The following GNPTAB variants were observed in gnomAD, a reference collection of about 807,000 sequenced individuals.
The protein encoded by GNPTAB is N-acetylglucosamine-1-phosphotransferase subunits alpha/beta.
A neutral mutation model predicts 136.6 loss-of-function variants in GNPTAB; 92 were observed. The observed-to-expected ratio is 0.67, with a 90% CI of 0.57 to 0.80. The LOEUF (loss-of-function observed/expected upper bound fraction) is 0.80. Ranked by LOEUF, GNPTAB falls within the 30% of genes least tolerant of loss-of-function variation. The pLI is 0.00. For synonymous variants in GNPTAB, 512 were observed against 535.1 expected (o/e 0.96, Z 0.60); for missense variants, 1,343 against 1,501.8 (o/e 0.89, Z 1.75).
chr12:101,748,163 C>A (rs1052009957), intron 20 of GNPTAB, among the ~76,000 whole-genome samples: 1 of 152,222 alleles, frequency 6.6e-6, no homozygotes, highest in Non-Finnish European at 1.5e-5. Context: ...GATGTACAAT[C>A]CCTGGAAAGC....
intron 5 of GNPTAB, among the ~76,000 whole-genome samples, chr12:101,783,835 C>T (rs1393312645): frequency 6.6e-6 from 1 of 151,998 alleles, no homozygotes; most frequent in African/African-American, 2.4e-5. Context: ...CCATCTCAGC[C>T]TCCCAAGTAG....
Position 101,753,622 on chromosome 12 carries a change from T to C in GNPTAB, c.3435-83A>G, listed in dbSNP as rs958703893. On this transcript the variant is annotated intron_variant, in intron 18 of 20. Transcript: ENST00000299314. ...AACAAGGATGTGGATTCCAAATATA[T>C]TTTAAATGGACTTATGTCCCAAGTT... 3 of 1,108,582 alleles carry C rather than the reference T, an allele frequency of 2.7e-6. No individual in the cohort carries two copies. In the African/African-American group the frequency reaches 4.6e-5, roughly 17 times the overall value. The allele number at this position is 1,108,582 out of a possible 1,614,324, so 68.7% of individuals were successfully genotyped here.
chr12:101,770,352 C>T lies in GNPTAB; in HGVS notation c.1113+54G>A, dbSNP rs77511527. ...AAATTATGGAAATCCCTGTACCACACTAAAAGAGCAGAATTAGAAATCACA... is the reference window on the plus strand; with the variant it reads ...AAATTATGGAAATCCCTGTACCACATTAAAAGAGCAGAATTAGAAATCACA... On this transcript the variant is annotated intron_variant, in intron 9 of 20. Transcript: ENST00000299314. 2,338 of 1,445,468 alleles carry T rather than the reference C, an allele frequency of 1.6e-3. 39 individuals are homozygous for T. The African/African-American group carries it at 0.029, about 18-fold the overall frequency. 89.5% of individuals were successfully genotyped at this position (1,445,468 alleles called of 1,614,324 possible). A position where few individuals can be genotyped will look rare whatever the true frequency, so the allele number is the denominator to read the frequency against.
chr12:101,755,576 T>C (rs1052265386), intron 18 of GNPTAB, among the ~76,000 whole-genome samples: 2 of 152,188 alleles, frequency 1.3e-5, no homozygotes, highest in African/African-American at 4.8e-5. Context: ...TGTGGCCTGA[T>C]GATGAAGCCA....
chr12:101,814,091 A>G (rs1870382970), intron 1 of GNPTAB, among the ~76,000 whole-genome samples: 1 of 149,606 alleles, frequency 6.7e-6, no homozygotes, highest in Non-Finnish European at 1.5e-5. Flanking sequence ...AAAAAAAAAA[A>G]GAGTTCAAGA....
chr12:101,746,630 A>ATAT lies in GNPTAB; in HGVS notation c.*531_*533dup, dbSNP rs1377228258. 6.5e-6 allele frequency: 1 copy of ATAT among 154,808 alleles called. No individual in the cohort carries two copies. The highest frequency in any genetic ancestry group is 1.4e-5 in the Non-Finnish European group (1 of 69,696). 9.6% of individuals were successfully genotyped at this position (154,808 alleles called of 1,614,324 possible). A position where few individuals can be genotyped will look rare whatever the true frequency, so the allele number is the denominator to read the frequency against. ...ATTTAGGTATTGTCAATAAGAGGTG[A>ATAT]TATTGCTGCATTATTTAAATAACAT... On this transcript the variant is annotated 3_prime_UTR_variant, in exon 21 of 21. Transcript: ENST00000299314.
At chr12:101,761,052 G>GTGAGCCACTGCGCC in intron 15 of GNPTAB, 75 bp downstream of exon 15, 1 of 1,090,708 alleles carries the variant, frequency 9.2e-7, no homozygotes, top group Non-Finnish European at 1.4e-6. Context: ...GATTACAGGT[G>GTGAGCCACTGCGCC]TGAGCCACTG....
chr12:101,803,835 C>T (rs1293414377), intron 1 of GNPTAB, among the ~76,000 whole-genome samples: 2 of 151,862 alleles, frequency 1.3e-5, no homozygotes, highest in East Asian at 1.9e-4. Context: ...TATTTTTCCA[C>T]GGAGAGAGAG....
In GNPTAB at chr12:101,770,075, C is replaced by T. The variant is rs768603881; in HGVS notation, c.1230G>A (p.Met410Ile). ...CATCTGGCCAGACATCCTTCCCAAA[C>T]ATGACATCATCATTTAGGTAAATAA... is the stretch of plus-strand genomic sequence containing the variant. ...QKFIYLNDDV[M>I]FGKDVWPDDF... The change falls in exon 10 of 21, where the codon ATG becomes ATA. Residue 410 changes from methionine (M) to isoleucine (I), a missense_variant. Coordinates refer to ENST00000299314, the MANE Select transcript of GNPTAB (RefSeq NM_024312.5). The T allele has an allele frequency of 6.2e-7, 1 of 1,614,068 alleles. No homozygotes were observed. The highest frequency in any genetic ancestry group is 1.3e-5 in the African/African-American group (1 of 74,910).
At chr12:101,777,799 C>G (rs755910539) in intron 7 of GNPTAB, among the ~76,000 whole-genome samples, 8 of 152,334 alleles carry the variant, frequency 5.3e-5, no homozygotes, top group Non-Finnish European at 1.0e-4. Flanking sequence ...GGCCTGGACT[C>G]AAATGCTGAC....
At chr12:101,814,589 C>T (rs1001055233) in intron 1 of GNPTAB, among the ~76,000 whole-genome samples, 1 of 150,912 alleles carries the variant, frequency 6.6e-6, no homozygotes, top group African/African-American at 2.4e-5. Flanking sequence ...CCCAGCTACT[C>T]GTGAGGCTGA....
At chr12:101,814,450 C>T (rs577527659) in intron 1 of GNPTAB, among the ~76,000 whole-genome samples, 23 of 152,304 alleles carry the variant, frequency 1.5e-4, no homozygotes, top group African/African-American at 5.5e-4. Context: ...TTAATTCCCG[C>T]ACTTTGGAAG....
At chr12:101,811,350 A>G (rs1870221345) in intron 1 of GNPTAB, among the ~76,000 whole-genome samples, 1 of 151,840 alleles carries the variant, frequency 6.6e-6, no homozygotes, top group South Asian at 2.1e-4. Context: ...CTCAAATTAC[A>G]GAAACTGACA....
rs778206369 is a variant in GNPTAB, at chr12:101,761,196, A to G, written c.3066T>C (p.Ser1022=). ...GGATTTCTCTGTCAGACAAGACACC[A>G]GATTGATCTGTATCAACTTCATCAA... is the stretch of plus-strand genomic sequence containing the variant. ...QVFDEVDTDQ[S]GVLSDREIRT... is the part of the protein sequence containing the mutation. Residue 1022 remains serine (S), a synonymous_variant, in exon 15 of 21, where the codon TCT becomes TCC. Coordinates refer to ENST00000299314, the MANE Select transcript of GNPTAB (RefSeq NM_024312.5). The G allele has an allele frequency of 1.9e-6, 3 of 1,614,138 alleles. No homozygotes were observed. In the East Asian group the frequency reaches 6.7e-5, roughly 36 times the overall value.
intron 12 of GNPTAB, 187 bp downstream of exon 12, chr12:101,765,904 A>G (rs1020939607): frequency 1.2e-5 from 7 of 604,014 alleles, no homozygotes; most frequent in Non-Finnish European, 2.1e-5. Context: ...GACTGCAACA[A>G]TAACAGGAAA....
intron 1 of GNPTAB, among the ~76,000 whole-genome samples, chr12:101,797,954 C>T (rs568060799): frequency 1.4e-4 from 22 of 152,240 alleles, no homozygotes; most frequent in African/African-American, 5.3e-4. Flanking sequence ...CATTGGCACG[C>T]AAACATGTTC....
intron 1 of GNPTAB, among the ~76,000 whole-genome samples, chr12:101,822,327 G>A (rs1487321927): frequency 1.3e-5 from 2 of 152,140 alleles, no homozygotes; most frequent in Non-Finnish European, 2.9e-5. Flanking sequence ...GCAGGAGAAT[G>A]GCGTGAACCC....
chr12:101,823,631 G>T (rs1447380866), intron 1 of GNPTAB, among the ~76,000 whole-genome samples: 2 of 111,848 alleles, frequency 1.8e-5, no homozygotes, highest in Non-Finnish European at 1.9e-5. Context: ...AAAAAAAAAA[G>T]TCAGGTTAAG....
chr12:101,800,660 C>T (rs1869567255), intron 1 of GNPTAB, among the ~76,000 whole-genome samples: 1 of 150,984 alleles, frequency 6.6e-6, no homozygotes, highest in Non-Finnish European at 1.5e-5. Flanking sequence ...TGCCCATAAT[C>T]CCAGCTACTA....
Sources: allele counts gnomAD v4.1 joint callset (sites outside exome capture counted in the v4.1 genomes callset), GRCh38; gene constraint gnomAD v4.1.1; transcripts MANE v1.5; gene names NCBI Gene and HGNC (gene_info 2026-07-23, HGNC 2026-07-21).